The following ESF1 variants were observed in gnomAD, a reference collection of about 807,000 sequenced individuals.
ESF1 encodes ESF1 nucleolar pre-rRNA processing protein.
Under a neutral mutation model 92.0 loss-of-function variants are expected in ESF1, and 58 were observed. That is an observed-to-expected ratio of 0.63 (90% CI 0.51 to 0.78). ESF1 has a LOEUF of 0.78. Ranked by LOEUF, ESF1 falls within the 30% of genes least tolerant of loss-of-function variation. ESF1 has a pLI of 0.00. For missense variants in ESF1, 922 were observed against 989.1 expected (o/e 0.93, Z 0.91); for synonymous variants, 321 against 313.7 (o/e 1.02, Z -0.24).
chr20:13,742,742 C>G (rs1170405597), intron 9 of ESF1, among the ~76,000 whole-genome samples: 1 of 152,052 alleles, frequency 6.6e-6, no homozygotes, highest in African/African-American at 2.4e-5. Context: ...AAATCAGTCC[C>G]AAAATGATTT....
chr20:13,753,541 T>C (rs1341295102), intron 9 of ESF1, among the ~76,000 whole-genome samples: 5 of 151,784 alleles, frequency 3.3e-5, no homozygotes, highest in Admixed American at 6.6e-5. Flanking sequence ...GCTCTTCTCA[T>C]TTTAATTTTA....
chr20:13,762,930 G>A (rs183017011), intron 8 of ESF1: 5,569 of 260,358 alleles, frequency 0.021, 93 homozygotes, highest in Middle Eastern at 0.032. Flanking sequence ...GCACGATCTC[G>A]GCTCACTGCA....
chr20:13,735,252 T>C (rs2049968808), intron 9 of ESF1, among the ~76,000 whole-genome samples: 2 of 152,156 alleles, frequency 1.3e-5, no homozygotes, highest in African/African-American at 4.8e-5. Context: ...CCTTGGTTTT[T>C]AACCCAAGAA....
chr20:13,783,228 A>G, intron 1 of ESF1, 45 bp from the exon 2 acceptor site: 1 of 1,284,228 alleles, frequency 7.8e-7, no homozygotes, highest in Non-Finnish European at 1.0e-6. Context: ...TGGTTAGTAC[A>G]ATAATTAAAT....
At position 13,754,921 on chromosome 20, in the gene ESF1, A is replaced by G. The variant is rs567899352; in HGVS notation, c.1828+4771T>C. Among the ~76,000 whole-genome samples, 28 of 152,278 alleles carry G rather than the reference A, an allele frequency of 1.8e-4. No homozygotes were observed. In the South Asian group the frequency reaches 5.4e-3, roughly 29 times the overall value. ...TGTTCTCCTTGGATTCCTCAAACAC[A>G]AGAGACAAAGTATAGCTTCAAGGAT... On this transcript the variant is annotated intron_variant, in intron 9 of 13. Coordinates refer to ENST00000617257, the MANE Select transcript of ESF1 (RefSeq NM_001276380.2).
At chr20:13,771,194 C>G in intron 6 of ESF1, 137 bp downstream of exon 6, 1 of 708,576 alleles carries the variant, frequency 1.4e-6, no homozygotes, top group Non-Finnish European at 2.4e-6. Flanking sequence ...GAGTGATGTT[C>G]CATGGGATAG....
intron 8 of ESF1, among the ~76,000 whole-genome samples, chr20:13,765,691 C>T (rs1372160969): frequency 1.3e-5 from 2 of 152,198 alleles, no homozygotes; most frequent in Admixed American, 1.3e-4. Flanking sequence ...CTCATGCAGA[C>T]TTTAATCATC....
chr20:13,747,748 G>C (rs1397999862), intron 9 of ESF1, among the ~76,000 whole-genome samples: 1 of 152,074 alleles, frequency 6.6e-6, no homozygotes, highest in Admixed American at 6.6e-5. Flanking sequence ...CATTAAAATA[G>C]AGTATACTTA....
rs562464332 is a variant in ESF1, at chr20:13,726,914, C to A, written c.2038+1464G>T. ...AAAAACAGAAAAGCCCAGATAGAAA[C>A]AATTACCCTCTGGGAACACTCTGAA... On this transcript the variant is annotated intron_variant, in intron 11 of 13. Coordinates refer to ENST00000617257, the MANE Select transcript of ESF1 (RefSeq NM_001276380.2). Among the ~76,000 whole-genome samples, 286 of 152,158 alleles carry A rather than the reference C, an allele frequency of 1.9e-3. 1 individual carries two copies. The highest frequency in any genetic ancestry group is 3.6e-3 in the Non-Finnish European group (242 of 68,022).
At chr20:13,724,538 A>G (rs1315491088) in intron 11 of ESF1, among the ~76,000 whole-genome samples, 1 of 152,128 alleles carries the variant, frequency 6.6e-6, no homozygotes, top group Non-Finnish European at 1.5e-5. Context: ...CATTCAATAT[A>G]TTCTTCCTTA....
At chr20:13,744,782 G>A (rs540855373) in intron 9 of ESF1, among the ~76,000 whole-genome samples, 3 of 152,296 alleles carry the variant, frequency 2.0e-5, no homozygotes, top group African/African-American at 7.2e-5. Flanking sequence ...TGACTATCCA[G>A]TTTAAATTGC....
At chr20:13,737,505 A>T (rs1460670955) in intron 9 of ESF1, among the ~76,000 whole-genome samples, 1 of 152,234 alleles carries the variant, frequency 6.6e-6, no homozygotes, top group African/African-American at 2.4e-5. Context: ...ATAAAAACAA[A>T]ATGTATATTT....
chr20:13,760,582 G>C (rs967406298), intron 8 of ESF1, among the ~76,000 whole-genome samples: 7 of 151,542 alleles, frequency 4.6e-5, no homozygotes, highest in Admixed American at 1.3e-4. Flanking sequence ...TGGGAAGTGA[G>C]GAGCCCCTCC....
At position 13,750,373 on chromosome 20, in the gene ESF1, C is replaced by T. The variant is rs562144945; in HGVS notation, c.1828+9319G>A. Among the ~76,000 whole-genome samples the T allele has an allele frequency of 2.2e-4, 34 of 152,160 alleles. No homozygotes were observed. The East Asian group carries it at 5.8e-3, about 26-fold the overall frequency. ...TATAAAAATTAGTTGGGTGTGGTGA[C>T]GTGTGCCTGTAGTCCCAGCTACTCG... On this transcript the variant is annotated intron_variant, in intron 9 of 13. Coordinates refer to ENST00000617257, the MANE Select transcript of ESF1 (RefSeq NM_001276380.2).
Position 13,784,718 on chromosome 20 carries a change from G to A in ESF1, c.-44+162C>T, listed in dbSNP as rs184567471. 6.6e-4 allele frequency: 199 copies of A among 303,324 alleles called. 1 individual carries two copies. Among genetic ancestry groups the A allele is most frequent in the Non-Finnish European group, 1.0e-3 (160 of 156,942 alleles). 18.8% of individuals were successfully genotyped at this position (303,324 alleles called of 1,614,324 possible). Reference sequence around the variant, plus strand: ...AGCGACCCTGAAAAGGATCGATGAAGACTGAAGAATGAGACCGAAAAAGGC... The same window carrying A: ...AGCGACCCTGAAAAGGATCGATGAAAACTGAAGAATGAGACCGAAAAAGGC... On this transcript the variant is annotated intron_variant, in intron 1 of 13. Transcript: ENST00000617257.
At chr20:13,730,175 C>T (rs1265788775) in intron 10 of ESF1, among the ~76,000 whole-genome samples, 2 of 151,952 alleles carry the variant, frequency 1.3e-5, no homozygotes, top group African/African-American at 4.8e-5. Flanking sequence ...CAGGTTCAAG[C>T]GATTCGCCTA....
chr20:13,730,177 A>T (rs999102658), intron 10 of ESF1, among the ~76,000 whole-genome samples: 3 of 151,958 alleles, frequency 2.0e-5, no homozygotes, highest in African/African-American at 7.3e-5. Context: ...GGTTCAAGCG[A>T]TTCGCCTACC....
At chr20:13,780,887 C>T (rs936685080) in intron 2 of ESF1, among the ~76,000 whole-genome samples, 8 of 152,180 alleles carry the variant, frequency 5.3e-5, no homozygotes, top group Admixed American at 5.2e-4. Flanking sequence ...AATCATTTCT[C>T]GCTGCTACTC....
chr20:13,770,043 T>A (rs757351170), intron 6 of ESF1, 22 bp from the exon 7 acceptor site: 91 of 1,453,546 alleles, frequency 6.3e-5, no homozygotes, highest in Non-Finnish European at 6.3e-5. Flanking sequence ...AGAAAAAAAA[T>A]TTATTTAAAA....
Sources: allele counts gnomAD v4.1 joint callset (sites outside exome capture counted in the v4.1 genomes callset), GRCh38; gene constraint gnomAD v4.1.1; transcripts MANE v1.5; gene names NCBI Gene and HGNC (gene_info 2026-07-23, HGNC 2026-07-21).